The following KDM4C variants were observed in gnomAD, a reference collection of about 807,000 sequenced individuals.
KDM4C encodes the protein lysine demethylase 4C, also known as lysine-specific demethylase 4C.
A neutral mutation model predicts 129.3 loss-of-function variants in KDM4C; 81 were observed. That is an observed-to-expected ratio of 0.63 (90% CI 0.52 to 0.75). KDM4C has a LOEUF of 0.75. Ranked by LOEUF, KDM4C falls within the 30% of genes least tolerant of loss-of-function variation. The pLI, the probability that KDM4C is intolerant of heterozygous loss-of-function variation, is 0.00. For synonymous variants in KDM4C, 573 were observed against 456.1 expected (o/e 1.26, Z -3.26); for missense variants, 1,457 against 1,304.0 (o/e 1.12, Z -1.81).
chr9:7,142,332 T>G (rs922380952), intron 19 of KDM4C, among the ~76,000 whole-genome samples: 1 of 152,214 alleles, frequency 6.6e-6, no homozygotes, highest in Non-Finnish European at 1.5e-5. Flanking sequence ...CTATCCAAGC[T>G]GTTCTGGAAC....
chr9:6,967,453 C>T (rs1165866489), intron 8 of KDM4C, among the ~76,000 whole-genome samples: 2 of 150,746 alleles, frequency 1.3e-5, no homozygotes, highest in African/African-American at 4.9e-5. Flanking sequence ...TGTACAGACT[C>T]TTGAGAAAGG....
At chr9:6,721,310 C>G (rs1588023174) in intron 1 of KDM4C, 1 of 124,670 alleles carries the variant, frequency 8.0e-6, no homozygotes, top group African/African-American at 3.3e-5. Context: ...GAGTCTCTCT[C>G]TCTCTCTCTC....
chr9:6,777,445 C>T (rs1335955195), intron 1 of KDM4C, among the ~76,000 whole-genome samples: 2 of 152,208 alleles, frequency 1.3e-5, no homozygotes, highest in Non-Finnish European at 2.9e-5. Context: ...CAGCTGGGCA[C>T]ATCTCCGGGG....
At position 6,981,003 on chromosome 9, in the gene KDM4C, T is replaced by C; in HGVS notation, c.1000T>C (p.Trp334Arg). Residue 334 changes from tryptophan (W) to arginine (R), a missense_variant, in exon 9 of 22, where the codon TGG becomes CGG. Transcript: ENST00000381309. The part of the protein sequence containing the change: ...RKFQPDRYQL[W>R]KQGKDIYTID... ...ATTTCAGCCAGACAGATATCAGCTTTGGAAACAAGGAAAGGATATATACAC... is the reference window on the plus strand; with the variant it reads ...ATTTCAGCCAGACAGATATCAGCTTCGGAAACAAGGAAAGGATATATACAC... 1.2e-6 allele frequency: 2 copies of C among 1,613,882 alleles called. No individual in the cohort carries two copies. Among genetic ancestry groups the C allele is most frequent in the Non-Finnish European group, 1.7e-6 (2 of 1,179,838 alleles).
chr9:7,069,036 C>T (rs777728261), intron 17 of KDM4C, among the ~76,000 whole-genome samples: 1 of 152,100 alleles, frequency 6.6e-6, no homozygotes, highest in African/African-American at 2.4e-5. Context: ...TCTTCTCACT[C>T]TACATTCTCA....
intron 8 of KDM4C, among the ~76,000 whole-genome samples, chr9:6,913,695 A>C (rs1048267936): frequency 1.3e-5 from 2 of 152,218 alleles, no homozygotes; most frequent in Non-Finnish European, 2.9e-5. Context: ...AAGCTAGCAC[A>C]TGGGAAAAAT....
chr9:6,928,394 T>C (rs1187763418), intron 8 of KDM4C, among the ~76,000 whole-genome samples: 1 of 152,216 alleles, frequency 6.6e-6, no homozygotes, highest in Non-Finnish European at 1.5e-5. Context: ...TAAGTCTGTC[T>C]TGTTTGTGCA....
chr9:6,983,544 G>A (rs768809431), intron 9 of KDM4C, among the ~76,000 whole-genome samples: 1 of 139,686 alleles, frequency 7.2e-6, no homozygotes, highest in Non-Finnish European at 1.5e-5. Context: ...TAGACCACCC[G>A]GGACAATATA....
intron 17 of KDM4C, among the ~76,000 whole-genome samples, chr9:7,089,969 G>GC (rs1274628570): frequency 2.0e-5 from 3 of 152,186 alleles, no homozygotes; most frequent in African/African-American, 7.2e-5. Context: ...CTGCCTGCCT[G>GC]CCCATGCCAG....
At chr9:7,114,000 A>G (rs188758680) in intron 18 of KDM4C, among the ~76,000 whole-genome samples, 119 of 152,326 alleles carry the variant, frequency 7.8e-4, no homozygotes, top group African/African-American at 2.7e-3. Context: ...TAAAGCCCTG[A>G]TAAAAATACT....
At chr9:6,876,576 C>T (rs568849780) in intron 5 of KDM4C, among the ~76,000 whole-genome samples, 1 of 152,292 alleles carries the variant, frequency 6.6e-6, no homozygotes, top group East Asian at 1.9e-4. Context: ...TTCTTTCTTT[C>T]TCTCTCTTCT....
intron 1 of KDM4C, among the ~76,000 whole-genome samples, chr9:6,776,406 C>G (rs1823049491): frequency 1.3e-5 from 2 of 151,936 alleles, no homozygotes; most frequent in South Asian, 4.1e-4. Flanking sequence ...GGAATACGGG[C>G]CAATGCCATC....
intron 8 of KDM4C, among the ~76,000 whole-genome samples, chr9:6,896,748 C>T (rs997122577): frequency 1.3e-5 from 2 of 152,050 alleles, no homozygotes; most frequent in African/African-American, 4.8e-5. Context: ...GTGTGCCAGG[C>T]ATCATGTATG....
Position 6,855,931 on chromosome 9 carries a change from G to A in KDM4C, c.629+6231G>A, listed in dbSNP as rs143929502. 8.4e-3 allele frequency among the ~76,000 whole-genome samples: 1,284 copies of A among 152,178 alleles called. 17 individuals are homozygous for A. The highest frequency in any genetic ancestry group is 0.029 in the African/African-American group (1,220 of 41,508). ...TTAAATTTTCTTTTTTATAGAGATG[G>A]GGTCTCGCTGGGTTGCCCAGGCTGG... On this transcript the variant is annotated intron_variant, in intron 5 of 21. Coordinates refer to ENST00000381309, the MANE Select transcript of KDM4C (RefSeq NM_015061.6).
chr9:6,858,362 C>G (rs780220054), intron 5 of KDM4C, among the ~76,000 whole-genome samples: 1 of 152,074 alleles, frequency 6.6e-6, no homozygotes, highest in Non-Finnish European at 1.5e-5. Context: ...CCACCACGAC[C>G]ACCACCACCT....
chr9:6,753,868 C>CTTTTTTTTTTTTTTTTTT (rs869158656), upstream of KDM4C, among the ~76,000 whole-genome samples: 1 of 80,368 alleles, frequency 1.2e-5, no homozygotes. Flanking sequence ...TCATTGAATT[C>CTTTTTTTTTTTTTTTTTT]TTTTTTTTTT....
At chr9:6,997,302 C>G (rs1819942824) in intron 12 of KDM4C, among the ~76,000 whole-genome samples, 1 of 152,128 alleles carries the variant, frequency 6.6e-6, no homozygotes, top group South Asian at 2.1e-4. Flanking sequence ...AACTAAAGGG[C>G]CCCTCAGACA....
rs10976046 is a variant in KDM4C at position 7,118,903 on chromosome 9, C to T, written c.2611-9163C>T. ...CAGATGTAAACACAGGTCAGCCTTG[C>T]CAGGTCTGATAAGAGACTACCTATA... On this transcript the variant is annotated intron_variant, in intron 18 of 21. Transcript: ENST00000381309. Among the ~76,000 whole-genome samples, 348 of 152,218 alleles carry T rather than the reference C, an allele frequency of 2.3e-3. 4 individuals are homozygous for T. The highest frequency in any genetic ancestry group is 0.019 in the East Asian group (97 of 5,166).
intron 13 of KDM4C, 40 bp downstream of exon 13, chr9:7,011,919 C>T: frequency 6.5e-7 from 1 of 1,530,148 alleles, no homozygotes; most frequent in Non-Finnish European, 9.0e-7. Context: ...CACTGCTCTG[C>T]CTTCCATGTG....
Sources: allele counts gnomAD v4.1 joint callset (sites outside exome capture counted in the v4.1 genomes callset), GRCh38; gene constraint gnomAD v4.1.1; transcripts MANE v1.5; gene names NCBI Gene and HGNC (gene_info 2026-07-23, HGNC 2026-07-21).